Variants in SNX29 observed in about 807,000 individuals in gnomAD.
SNX29 encodes sorting nexin 29, also known as sorting nexin-29.
SNX29 carries 78 observed loss-of-function variants against 102.1 expected under a neutral mutation model. The observed-to-expected ratio is 0.76, with a 90% CI of 0.64 to 0.92. SNX29 has a LOEUF of 0.92. Ranked by LOEUF, SNX29 falls within the 40% of genes least tolerant of loss-of-function variation. SNX29 has a pLI of 0.00. For synonymous variants in SNX29, 580 were observed against 414.5 expected, an observed-to-expected ratio of 1.40 and a Z score of -4.85; for missense variants, 1,280 against 1,061.7, an observed-to-expected ratio of 1.21 and a Z score of -2.86.
chr16:12,153,148 A>G (rs758064066), intron 13 of SNX29, among the ~76,000 whole-genome samples: 24 of 152,092 alleles, frequency 1.6e-4, no homozygotes, highest in Non-Finnish European at 2.9e-4. Context: ...CTATAATCCC[A>G]TTGCTTTGGG....
chr16:12,568,411 A>G (rs2141568822), intron 20 of SNX29, 95 bp from the exon 21 acceptor site: 1 of 1,521,006 alleles, frequency 6.6e-7, no homozygotes, highest in East Asian at 2.3e-5. Context: ...TGCCAATCAG[A>G]TCCCTCCTGC....
At chr16:12,346,118 A>G (rs995023310) in intron 15 of SNX29, among the ~76,000 whole-genome samples, 3 of 150,668 alleles carry the variant, frequency 2.0e-5, no homozygotes, top group Non-Finnish European at 4.4e-5. Context: ...CCTGGGTTTT[A>G]GAAAGATCAT....
At chr16:12,565,556 C>A (rs1031220493) in intron 20 of SNX29, among the ~76,000 whole-genome samples, 1 of 152,114 alleles carries the variant, frequency 6.6e-6, no homozygotes, top group Non-Finnish European at 1.5e-5. Flanking sequence ...ATCCCTGTGT[C>A]ACAGAAGCCT....
chr16:12,178,094 A>G lies in SNX29; in HGVS notation c.1596-21507A>G, dbSNP rs191074541. ...TGTCATCTTAGTTTTCATATGATCA[A>G]TAGTCACTAGACATGGGGGAGGGAG... On this transcript the variant is annotated intron_variant, in intron 13 of 20. Coordinates refer to ENST00000566228, the MANE Select transcript of SNX29 (RefSeq NM_032167.5). Among the ~76,000 whole-genome samples the G allele has an allele frequency of 4.0e-4, 61 of 152,310 alleles. 1 individual carries two copies. Among genetic ancestry groups the G allele is most frequent in the Admixed American group, 2.9e-3 (45 of 15,300 alleles).
At chr16:12,141,153 T>G (rs974540466) in intron 13 of SNX29, among the ~76,000 whole-genome samples, 1 of 152,204 alleles carries the variant, frequency 6.6e-6, no homozygotes, top group Non-Finnish European at 1.5e-5. Context: ...AGAGAGTGGG[T>G]GAACCGTAAA....
intron 14 of SNX29, among the ~76,000 whole-genome samples, chr16:12,247,469 A>C (rs559104227): frequency 6.6e-6 from 1 of 152,298 alleles, no homozygotes; most frequent in East Asian, 1.9e-4. Context: ...TCCGACTTAC[A>C]GCAGCTCCTC....
At chr16:12,089,152 AAG>A (rs1288120611) in intron 11 of SNX29, among the ~76,000 whole-genome samples, 85 of 148,828 alleles carry the variant, frequency 5.7e-4, no homozygotes, top group African/African-American at 1.6e-3. Context: ...AGAAAAGAGA[AAG>A]AGAAAGAAAG....
chr16:12,281,281 G>T (rs940468245), intron 15 of SNX29, among the ~76,000 whole-genome samples: 1 of 152,134 alleles, frequency 6.6e-6, no homozygotes, highest in Non-Finnish European at 1.5e-5. Flanking sequence ...AGTGCGAAGG[G>T]AGTTTCTGAG....
chr16:12,245,025 T>C (rs1307578865), intron 14 of SNX29, among the ~76,000 whole-genome samples: 1 of 152,220 alleles, frequency 6.6e-6, no homozygotes, highest in African/African-American at 2.4e-5. Flanking sequence ...GCTTTAAAAA[T>C]AAGTCTGAAA....
chr16:12,524,943 G>A, intron 20 of SNX29, 102 bp downstream of exon 20: 3 of 1,498,452 alleles, frequency 2.0e-6, no homozygotes, highest in Non-Finnish European at 2.7e-6. Flanking sequence ...GTGATGCCCT[G>A]ATCGCCATGG....
chr16:12,512,196 G>A (rs771205411), intron 19 of SNX29, among the ~76,000 whole-genome samples: 8 of 150,688 alleles, frequency 5.3e-5, no homozygotes, highest in Non-Finnish European at 8.9e-5. Context: ...TTAAGTTTGG[G>A]GTGTGAGCAT....
chr16:12,527,844 A>C (rs1239279825), intron 20 of SNX29, among the ~76,000 whole-genome samples: 1 of 116,512 alleles, frequency 8.6e-6, no homozygotes, highest in Non-Finnish European at 1.7e-5. Flanking sequence ...TTTTTTTTTG[A>C]GATGAAGTCT....
At chr16:12,120,730 A>G (rs1047495312) in intron 11 of SNX29, among the ~76,000 whole-genome samples, 10 of 152,080 alleles carry the variant, frequency 6.6e-5, no homozygotes, top group Non-Finnish European at 1.3e-4. Context: ...GTTGTTTTTG[A>G]AATTGAGCAT....
intron 14 of SNX29, among the ~76,000 whole-genome samples, chr16:12,231,699 C>G (rs540675204): frequency 6.6e-6 from 1 of 152,158 alleles, no homozygotes; most frequent in Non-Finnish European, 1.5e-5. Context: ...TTTCTGACTT[C>G]TGTTTCGGGT....
chr16:12,120,624 G>A (rs562826677), intron 11 of SNX29, among the ~76,000 whole-genome samples: 9 of 152,270 alleles, frequency 5.9e-5, no homozygotes, highest in East Asian at 3.9e-4. Flanking sequence ...CTCCGAGGCC[G>A]TAATCATTTG....
At chr16:12,534,938 C>T (rs964699914) in intron 20 of SNX29, among the ~76,000 whole-genome samples, 1 of 152,164 alleles carries the variant, frequency 6.6e-6, no homozygotes, top group South Asian at 2.1e-4. Flanking sequence ...CACAGGATGG[C>T]CTCCTCCCTG....
chr16:12,483,391 C>T (rs2088067638), intron 19 of SNX29, among the ~76,000 whole-genome samples: 1 of 150,244 alleles, frequency 6.7e-6, no homozygotes, highest in Non-Finnish European at 1.5e-5. Flanking sequence ...GATCTCAGCT[C>T]ACTGCAATCT....
At chr16:12,229,987 C>T (rs1209657031) in intron 14 of SNX29, among the ~76,000 whole-genome samples, 2 of 152,242 alleles carry the variant, frequency 1.3e-5, no homozygotes, top group Non-Finnish European at 2.9e-5. Context: ...AGATGGGTCT[C>T]TGTCACAACT....
chr16:12,087,211 A>G (rs2151382129), intron 11 of SNX29: 2 of 154,310 alleles, frequency 1.3e-5, no homozygotes, highest in African/African-American at 4.8e-5. Context: ...CCTGGCCAAC[A>G]TAGTGAAACC....
Sources: allele counts gnomAD v4.1 joint callset (sites outside exome capture counted in the v4.1 genomes callset), GRCh38; gene constraint gnomAD v4.1.1; transcripts MANE v1.5; gene names NCBI Gene and HGNC (gene_info 2026-07-23, HGNC 2026-07-21).